Variants in AHNAK observed in about 807,000 individuals in gnomAD.
AHNAK encodes the protein AHNAK nucleoprotein.
In AHNAK, 23 loss-of-function variants were observed where a neutral mutation model predicts 37.8. The ratio of observed to expected loss-of-function variants is 0.61; its 90% confidence interval spans 0.44 to 0.86. The LOEUF is 0.86. Ranked by LOEUF, AHNAK falls within the 40% of genes least tolerant of loss-of-function variation. The probability of loss-of-function intolerance (pLI) is 0.00; values close to 1 mark genes in which losing one functional copy is unlikely to be tolerated. For missense variants in AHNAK, 7,411 were observed against 7,319.4 expected (o/e 1.01, Z -0.46); for synonymous variants, 2,481 against 2,636.3 (o/e 0.94, Z 1.80).
Position 62,523,732 on chromosome 11 carries a change from T to G in AHNAK, c.10685A>C (p.Asp3562Ala), listed in dbSNP as rs371690744. The G allele has an allele frequency of 3.1e-4, 494 of 1,612,798 alleles. No individual in the cohort carries two copies. The highest frequency in any genetic ancestry group is 4.1e-4 in the Non-Finnish European group (485 of 1,179,750). ...LKGPKVKGDV[D>A]ISLPKLEGDL... is the part of the protein sequence containing the mutation. ...CCCTTCAAGTTTGGGAAGAGAAATATCCACATCACCTTTCACCTTGGGGCC... is the reference window on the plus strand; with the variant it reads ...CCCTTCAAGTTTGGGAAGAGAAATAGCCACATCACCTTTCACCTTGGGGCC... The change falls in exon 5 of 5, where the codon GAT becomes GCT. Residue 3562 changes from aspartate (D) to alanine (A), a missense_variant. Physicochemically the swap from Asp to Ala is moderately radical, Grantham distance 126. Coordinates refer to ENST00000378024, the MANE Select transcript of AHNAK (RefSeq NM_001620.3).
intron 5 of AHNAK, among the ~76,000 whole-genome samples, chr11:62,455,136 T>C (rs1938629282): frequency 6.6e-6 from 1 of 151,570 alleles, no homozygotes; most frequent in Non-Finnish European, 1.5e-5. Flanking sequence ...TTTTGCCACA[T>C]TGGTCAGGCT....
Position 62,535,026 on chromosome 11 carries a change from A to T in AHNAK, c.319T>A (p.Ser107Thr). Residue 107 changes from serine (S) to threonine (T), a missense_variant, in exon 4 of 5, where the codon TCC becomes ACC. Coordinates refer to ENST00000378024, the MANE Select transcript of AHNAK (RefSeq NM_001620.3). ...GQTWTREVFS[S>T]CSSEVVLSGD... Reference sequence around the variant, plus strand: ...ACCAGAACCACTTCAGAGCTGCAGGAGCTGAAGACTTCACGGGTCCAGGTC... The same window carrying T: ...ACCAGAACCACTTCAGAGCTGCAGGTGCTGAAGACTTCACGGGTCCAGGTC... 1 of 1,612,214 alleles carries T rather than the reference A, an allele frequency of 6.2e-7. No homozygotes were observed. Among genetic ancestry groups the T allele is most frequent in the African/African-American group, 1.3e-5 (1 of 75,006 alleles).
At chr11:62,451,862 C>G (rs1165538328) in intron 5 of AHNAK, among the ~76,000 whole-genome samples, 1 of 135,174 alleles carries the variant, frequency 7.4e-6, no homozygotes, top group Non-Finnish European at 1.5e-5. Context: ...AGCTGGAGTT[C>G]AGTGGCAGGA....
At position 62,529,291 on chromosome 11, in the gene AHNAK, T is replaced by C. The variant is rs1025215558; in HGVS notation, c.5126A>G (p.His1709Arg). ...CATTTTCATCTTGGGCATTTTCAGGTGCCAATCTGGGTCGTGAACCTCCAC... is the reference window on the plus strand; with the variant it reads ...CATTTTCATCTTGGGCATTTTCAGGCGCCAATCTGGGTCGTGAACCTCCAC... ...PDVEVHDPDW[H>R]LKMPKMKMPK... Residue 1709 changes from histidine (H) to arginine (R), a missense_variant, in exon 5 of 5, where the codon CAC becomes CGC. Physicochemically the swap from His to Arg is conservative, Grantham distance 29. Transcript: ENST00000378024. 1 of 1,614,004 alleles carries C rather than the reference T, an allele frequency of 6.2e-7. No homozygotes were observed. Among genetic ancestry groups the C allele is most frequent in the African/African-American group, 1.3e-5 (1 of 74,902 alleles).
At position 62,520,326 on chromosome 11, in the gene AHNAK, G is replaced by A. The variant is rs375130667; in HGVS notation, c.14091C>T (p.Ile4697=). 64 of 1,611,952 alleles carry A rather than the reference G, an allele frequency of 4.0e-5. No individual in the cohort carries two copies. Among genetic ancestry groups the A allele is most frequent in the Non-Finnish European group, 4.6e-5 (54 of 1,179,586 alleles). Residue 4697 remains isoleucine, a synonymous_variant, in exon 5 of 5, where the codon ATC becomes ATT. Coordinates refer to ENST00000378024, the MANE Select transcript of AHNAK (RefSeq NM_001620.3). ...CCTTTAGTTTCGCATCTGGACCTTC[G>A]ATATTCACATCAGGAACATCAACGT... The part of the protein sequence containing the change: ...KVDVDVPDVN[I]EGPDAKLKGP...
intron 5 of AHNAK, among the ~76,000 whole-genome samples, chr11:62,437,960 G>A (rs1938212585): frequency 6.6e-6 from 1 of 151,858 alleles, no homozygotes; most frequent in Non-Finnish European, 1.5e-5. Context: ...GCAGTGGCAT[G>A]ATCATAGCTC....
At chr11:62,470,029 C>T (rs139682615) in intron 5 of AHNAK, among the ~76,000 whole-genome samples, 4 of 152,100 alleles carry the variant, frequency 2.6e-5, no homozygotes, top group Non-Finnish European at 4.4e-5. Context: ...AAGTTGGCCA[C>T]GTGCAGTGCT....
chr11:62,478,185 C>T (rs1939189835), intron 5 of AHNAK, among the ~76,000 whole-genome samples: 1 of 152,196 alleles, frequency 6.6e-6, no homozygotes. Flanking sequence ...CAGCCTCACC[C>T]AGCAGATCTG....
chr11:62,452,029 G>C (rs892438641), intron 5 of AHNAK, among the ~76,000 whole-genome samples: 14 of 151,826 alleles, frequency 9.2e-5, no homozygotes, highest in African/African-American at 3.1e-4. Flanking sequence ...AGCCAGGATG[G>C]TCTCGATCTC....
At position 62,521,153 on chromosome 11, in the gene AHNAK, T is replaced by C. The variant is rs1317400132; in HGVS notation, c.13264A>G (p.Lys4422Glu). ...GDLKGPEIDI[K>E]GPSLDIDTPD... ...GTGTCAATGTCCAAACTGGGGCCTT[T>C]TATGTCAATTTCAGGGCCCTTGAGA... Residue 4422 changes from lysine to glutamate, a missense_variant, in exon 5 of 5, where the codon AAA (lysine) becomes GAA (glutamate). Transcript: ENST00000378024. 6.2e-7 allele frequency: 1 copy of C among 1,613,858 alleles called. No individual in the cohort carries two copies. The highest frequency in any genetic ancestry group is 1.7e-5 in the Admixed American group (1 of 59,960).
chr11:62,525,415 C>T lies in AHNAK; in HGVS notation c.9002G>A (p.Gly3001Asp). The change falls in exon 5 of 5, where the codon GGT (glycine) becomes GAT (aspartate). Residue 3001 changes from glycine (G) to aspartate (D), a missense_variant. Transcript: ENST00000378024. Reference sequence around the variant, plus strand: ...CGGGACATCAATGTCCACTTGGGGACCCCTGATGTCAACTTCAGGGCCCTT... The same window carrying T: ...CGGGACATCAATGTCCACTTGGGGATCCCTGATGTCAACTTCAGGGCCCTT... ...DLKGPEVDIR[G>D]PQVDIDVPDV... 2 of 1,613,492 alleles carry T rather than the reference C, an allele frequency of 1.2e-6. No homozygotes were observed. Among genetic ancestry groups the T allele is most frequent in the African/African-American group, 1.3e-5 (1 of 74,750 alleles).
At chr11:62,458,369 C>T (rs1378170102) in intron 5 of AHNAK, among the ~76,000 whole-genome samples, 1 of 152,004 alleles carries the variant, frequency 6.6e-6, no homozygotes, top group Non-Finnish European at 1.5e-5. Context: ...GGGACGGTCC[C>T]ACTTGATCCC....
rs540912858 is a variant in AHNAK at position 62,509,153 on chromosome 11, A to C, written c.343-17322T>G. 8.5e-4 allele frequency among the ~76,000 whole-genome samples: 129 copies of C among 152,298 alleles called. 1 individual carries two copies. In the Middle Eastern group the frequency reaches 0.01, roughly 12 times the overall value. On this transcript the variant is annotated intron_variant, in intron 4 of 5. Transcript: ENST00000257247. ...CAAAATGTATAACCTGAACCCAATC[A>C]TGAGGAAATATCATCAGACAAACCC...
chr11:62,533,830 T>A lies in AHNAK; in HGVS notation c.587A>T (p.Asp196Val), dbSNP rs776862885. 1 of 1,614,102 alleles carries A rather than the reference T, an allele frequency of 6.2e-7. No individual in the cohort carries two copies. Among genetic ancestry groups the A allele is most frequent in the Non-Finnish European group, 8.5e-7 (1 of 1,180,022 alleles). The change falls in exon 5 of 5, where the codon GAT becomes GTT. Residue 196 changes from aspartate to valine, a missense_variant. Transcript: ENST00000378024. Reference protein sequence around the residue: ...RHELTEISNVDVETQSGKTVI... With the variant: ...RHELTEISNVVVETQSGKTVI... ...GGTCTTCCCAGACTGGGTCTCCACA[T>A]CCACATTGGAGATTTCAGTCAGTTC...
At chr11:62,503,227 A>AC (rs1312656037) in intron 4 of AHNAK, among the ~76,000 whole-genome samples, 1 of 152,194 alleles carries the variant, frequency 6.6e-6, no homozygotes, top group African/African-American at 2.4e-5. Context: ...CGATTACATA[A>AC]CCAGGCATGG....
chr11:62,512,296 G>T (rs1177000473), downstream of AHNAK, among the ~76,000 whole-genome samples: 1 of 152,202 alleles, frequency 6.6e-6, no homozygotes, highest in African/African-American at 2.4e-5. The surrounding 1 kb of genome is among the most constrained non-coding windows in gnomAD (Gnocchi z 4.0). Flanking sequence ...GTTCCTCCCT[G>T]CTTCACACGG....
chr11:62,511,241 GT>G (rs540063151), downstream of AHNAK, among the ~76,000 whole-genome samples: 150 of 135,660 alleles, frequency 1.1e-3, no homozygotes, highest in African/African-American at 9.4e-4. Context: ...CTTGTTTTTT[GT>G]TTTTTTTTTT....
rs781694628 is a variant in AHNAK at position 62,531,948 on chromosome 11, C to T, written c.2469G>A (p.Val823=). 6.2e-7 allele frequency: 1 copy of T among 1,614,048 alleles called. No homozygotes were observed. Among genetic ancestry groups the T allele is most frequent in the Non-Finnish European group, 8.5e-7 (1 of 1,180,022 alleles). Residue 823 remains valine, a synonymous_variant, in exon 5 of 5, where the codon GTG becomes GTA. Transcript: ENST00000378024. ...IKVPKISMPD[V]DLHLKGPNVK... is the part of the protein sequence containing the mutation. ...CGTTAGGGCCTTTCAGATGTAAGTC[C>T]ACATCAGGCATGGAGATCTTGGGGA...
chr11:62,433,602 G>C, exon 6 of AHNAK: 1 of 529,290 alleles, frequency 1.9e-6, no homozygotes, highest in Non-Finnish European at 3.3e-6. Flanking sequence ...GAGCACCATA[G>C]TTGCCAAAGC....
Sources: gnomAD v4.1 joint callset for allele counts (sites outside exome capture counted in the v4.1 genomes callset) on GRCh38, gnomAD v4.1.1 for gene constraint, Gnocchi (gnomAD v3.1) non-coding constraint, MANE v1.5 for transcripts, NCBI Gene and HGNC (gene_info 2026-07-23, HGNC 2026-07-21) for gene names.